TBCA: variants seen among roughly 807,000 people sequenced by gnomAD.
TBCA encodes tubulin folding cofactor A.
TBCA carries 6 observed loss-of-function variants against 15.8 expected under a neutral mutation model. The observed-to-expected ratio is 0.38, with a 90% CI of 0.21 to 0.75. The LOEUF (loss-of-function observed/expected upper bound fraction) is 0.75, where lower values mean the gene tolerates loss of function less well. Ranked by LOEUF, TBCA falls within the 30% of genes least tolerant of loss-of-function variation. TBCA has a pLI of 0.46. For synonymous variants in TBCA, 32 were observed against 42.3 expected, an observed-to-expected ratio of 0.76 and a Z score of 0.94; for missense variants, 90 against 131.2, an observed-to-expected ratio of 0.69 and a Z score of 1.53.
intron 2 of TBCA, among the ~76,000 whole-genome samples, chr5:77,705,101 T>G (rs1006597271): frequency 1.3e-5 from 2 of 152,230 alleles, no homozygotes; most frequent in African/African-American, 4.8e-5. Context: ...TATAAAGTAG[T>G]GATTTCATTG....
chr5:77,704,966 A>C (rs1479681500), intron 2 of TBCA, among the ~76,000 whole-genome samples: 1 of 152,236 alleles, frequency 6.6e-6, no homozygotes, highest in Non-Finnish European at 1.5e-5. Context: ...CTGAGGGTAG[A>C]AACAACTTTT....
At chr5:77,713,249 T>C (rs1409283341) in intron 1 of TBCA, among the ~76,000 whole-genome samples, 2 of 152,168 alleles carry the variant, frequency 1.3e-5, no homozygotes, top group Non-Finnish European at 2.9e-5. Context: ...TAAGCTATAA[T>C]TGTGCCACTG....
At chr5:77,775,093 A>C (rs1230334505) in intron 1 of TBCA, among the ~76,000 whole-genome samples, 3 of 152,094 alleles carry the variant, frequency 2.0e-5, no homozygotes, top group Admixed American at 6.5e-5. Context: ...TCACCCTGGC[A>C]ATGTAAATTG....
intron 1 of TBCA, among the ~76,000 whole-genome samples, chr5:77,727,239 GAAAA>G (rs35477479): frequency 9.9e-5 from 8 of 81,042 alleles, no homozygotes; most frequent in South Asian, 4.8e-4. Flanking sequence ...TCTGTCTCAG[GAAAA>G]AAAAAAAAAA....
intron 1 of TBCA, among the ~76,000 whole-genome samples, chr5:77,735,555 T>C (rs1746879982): frequency 6.6e-6 from 1 of 152,184 alleles, no homozygotes; most frequent in African/African-American, 2.4e-5. Context: ...AATCCTGTCA[T>C]TATCTTTGCT....
At chr5:77,760,510 G>A (rs539134872) in intron 1 of TBCA, among the ~76,000 whole-genome samples, 4 of 151,998 alleles carry the variant, frequency 2.6e-5, no homozygotes, top group Admixed American at 2.0e-4. Flanking sequence ...GCAACCTCCC[G>A]GCCTCGGGCT....
At chr5:77,733,772 A>T (rs955993234) in intron 1 of TBCA, among the ~76,000 whole-genome samples, 1 of 152,256 alleles carries the variant, frequency 6.6e-6, no homozygotes, top group African/African-American at 2.4e-5. Flanking sequence ...GCTATGCTGA[A>T]CAACAGATTT....
rs564978624 is a variant in TBCA at position 77,701,610 on chromosome 5, C to A, written c.159+6632G>T. ...ATACTTGCACACATTTATAGCAGCA[C>A]AATTCACAACTGCAAAAATGTGGAA... is the stretch of plus-strand genomic sequence containing the variant. On this transcript the variant is annotated intron_variant, in intron 2 of 3. Transcript: ENST00000380377. 1.2e-3 allele frequency among the ~76,000 whole-genome samples: 185 copies of A among 148,474 alleles called. 1 individual carries two copies. Among genetic ancestry groups the A allele is most frequent in the African/African-American group, 4.4e-3 (176 of 40,280 alleles).
chr5:77,740,923 ATT>A (rs1193475455), intron 1 of TBCA, among the ~76,000 whole-genome samples: 1 of 152,232 alleles, frequency 6.6e-6, no homozygotes, highest in Non-Finnish European at 1.5e-5. Flanking sequence ...GGCTCAATAA[ATT>A]TTTGTTGCAT....
rs751166088 is a variant in TBCA at position 77,691,259 on chromosome 5, T to C, written c.*159A>G. 368 of 642,018 alleles carry C rather than the reference T, an allele frequency of 5.7e-4. No homozygotes were observed. Among genetic ancestry groups the C allele is most frequent in the Non-Finnish European group, 8.9e-4 (341 of 382,772 alleles). 39.8% of individuals were successfully genotyped at this position (642,018 alleles called of 1,614,324 possible). A position where few individuals can be genotyped will look rare whatever the true frequency, so the allele number is the denominator to read the frequency against. ...TAAACAATTTTATTAGATGAACTCA[T>C]TTATTTGACATATTAAATTAGACAA... On this transcript the variant is annotated 3_prime_UTR_variant, in exon 4 of 4. Coordinates refer to ENST00000380377, the MANE Select transcript of TBCA (RefSeq NM_004607.3).
At chr5:77,706,810 T>TAAAAAA (rs370852221) in intron 2 of TBCA, among the ~76,000 whole-genome samples, 4 of 108,372 alleles carry the variant, frequency 3.7e-5, no homozygotes, top group Non-Finnish European at 3.6e-5. Context: ...GACTCCATCT[T>TAAAAAA]AAAAAAAAAA....
chr5:77,711,213 C>T (rs970091822), intron 1 of TBCA, among the ~76,000 whole-genome samples: 2 of 152,176 alleles, frequency 1.3e-5, no homozygotes, highest in Non-Finnish European at 2.9e-5. Flanking sequence ...TGGAACACAG[C>T]TATACTCATT....
chr5:77,711,474 T>G (rs1746277016), intron 1 of TBCA, among the ~76,000 whole-genome samples: 1 of 152,204 alleles, frequency 6.6e-6, no homozygotes, highest in Admixed American at 6.5e-5. Context: ...AGGATAAGGT[T>G]GTATTCATAT....
chr5:77,718,022 C>A (rs1468445501), intron 1 of TBCA, among the ~76,000 whole-genome samples: 2 of 151,646 alleles, frequency 1.3e-5, no homozygotes, highest in Non-Finnish European at 2.9e-5. Context: ...CCCAGCTACT[C>A]GGGAGGCTGA....
intron 1 of TBCA, among the ~76,000 whole-genome samples, chr5:77,771,409 CTCTT>C (rs1324232820): frequency 1.3e-5 from 2 of 152,164 alleles, no homozygotes; most frequent in Non-Finnish European, 1.5e-5. Context: ...AGTATCTAGA[CTCTT>C]TCTTTATTCC....
At chr5:77,744,697 G>A (rs905137050) in intron 1 of TBCA, among the ~76,000 whole-genome samples, 4 of 151,690 alleles carry the variant, frequency 2.6e-5, no homozygotes, top group Admixed American at 1.3e-4. Context: ...CACTATGCAC[G>A]GCTAATTTTT....
At chr5:77,774,298 G>A (rs1301436328) in intron 1 of TBCA, among the ~76,000 whole-genome samples, 1 of 152,130 alleles carries the variant, frequency 6.6e-6, no homozygotes, top group Non-Finnish European at 1.5e-5. Flanking sequence ...GTCTCTTAAG[G>A]GGAAAATCTA....
rs1359742701 is a variant in TBCA at position 77,733,828 on chromosome 5, A to T, written c.54-25481T>A. On this transcript the variant is annotated intron_variant, in intron 1 of 3. Transcript: ENST00000380377. ...TTTCTGTTGGAAGAAAATGTCATCT[A>T]GGTCAACTTCCATAGGTAGAAATTA... is the stretch of plus-strand genomic sequence containing the variant. Among the ~76,000 whole-genome samples the T allele has an allele frequency of 4.6e-5, 7 of 152,334 alleles. No homozygotes were observed. In the East Asian group the frequency reaches 1.4e-3, roughly 29 times the overall value.
intron 1 of TBCA, among the ~76,000 whole-genome samples, chr5:77,757,682 C>A (rs1288884012): frequency 2.0e-5 from 3 of 152,202 alleles, no homozygotes; most frequent in Non-Finnish European, 4.4e-5. Flanking sequence ...GCCACCTCCA[C>A]TCAGAATCCC....
Sources: gnomAD v4.1 joint callset for allele counts (sites outside exome capture counted in the v4.1 genomes callset) on GRCh38, gnomAD v4.1.1 for gene constraint, MANE v1.5 for transcripts, NCBI Gene and HGNC (gene_info 2026-07-23, HGNC 2026-07-21) for gene names.